Variants in SNX9 observed in about 807,000 individuals in gnomAD.
SNX9 encodes sorting nexin 9, also known as sorting nexin-9.
SNX9 carries 44 observed loss-of-function variants against 89.4 expected under a neutral mutation model. That is an observed-to-expected ratio of 0.49 (90% confidence interval 0.39 to 0.63). The LOEUF is 0.63. SNX9 is among the 30% of genes least tolerant of loss of function. The pLI is 0.00. For missense variants in SNX9, 578 were observed against 736.1 expected, an observed-to-expected ratio of 0.79 and a Z score of 2.49; for synonymous variants, 236 against 247.8, an observed-to-expected ratio of 0.95 and a Z score of 0.45.
chr6:157,834,176 T>G (rs1035130035), intron 1 of SNX9, among the ~76,000 whole-genome samples: 2 of 121,368 alleles, frequency 1.6e-5, no homozygotes, highest in African/African-American at 6.8e-5. Flanking sequence ...TTTTTTTTTT[T>G]TTTTTTTTTG....
At position 157,901,929 on chromosome 6, in the gene SNX9, C is replaced by A; in HGVS notation, c.504C>A (p.Asp168Glu). The A allele has an allele frequency of 6.2e-7, 1 of 1,611,752 alleles. No homozygotes were observed. Among genetic ancestry groups the A allele is most frequent in the South Asian group, 1.1e-5 (1 of 90,994 alleles). The change falls in exon 6 of 18, where the codon GAC becomes GAA. Residue 168 changes from aspartate (D) to glutamate (E), a missense_variant. Physicochemically the swap from Asp to Glu is conservative, Grantham distance 45. Transcript: ENST00000392185. ...GTGATGATGATGACTGGGATGAAGA[C>A]TGGGATGGGCCCAAATCCTCTTCCT... The part of the protein sequence containing the change: ...ATGDDDDWDE[D>E]WDGPKSSSYF...
At chr6:157,902,212 TAAA>T (rs57207307) in intron 6 of SNX9, among the ~76,000 whole-genome samples, 167 bp downstream of exon 6, 2 of 144,896 alleles carry the variant, frequency 1.4e-5, no homozygotes, top group South Asian at 4.4e-4. Flanking sequence ...GAAGCTTACT[TAAA>T]AAAAAAAAAG....
chr6:157,932,866 CAAAAAAAAAAA>C lies in SNX9; in HGVS notation c.1366+612_1366+622del, dbSNP rs10545432. 1.3e-3 allele frequency among the ~76,000 whole-genome samples: 51 copies of C among 39,214 alleles called. 1 individual carries two copies. The East Asian group carries it at 0.019, about 14-fold the overall frequency. The allele number at this position is 39,214 out of a possible 152,430, so 25.7% of individuals were successfully genotyped here. A position where few individuals can be genotyped will look rare whatever the true frequency, so the allele number is the denominator to read the frequency against. On this transcript the variant is annotated intron_variant, in intron 13 of 17. Transcript: ENST00000392185. ...TGGGTGACAGAGCAAGACCCTGTCT[CAAAAAAAAAAA>C]AAAAAAAAAAAAAAAAAGCCAGATT...
intron 7 of SNX9, among the ~76,000 whole-genome samples, chr6:157,908,842 C>G (rs1201003591): frequency 6.6e-6 from 1 of 152,186 alleles, no homozygotes; most frequent in Non-Finnish European, 1.5e-5. Flanking sequence ...GTAAGCCTCG[C>G]CTGAATTTGT....
intron 6 of SNX9, among the ~76,000 whole-genome samples, 177 bp from the exon 7 acceptor site, chr6:157,905,951 A>G (rs1179227912): frequency 1.3e-5 from 2 of 152,222 alleles, no homozygotes; most frequent in African/African-American, 2.4e-5. Flanking sequence ...GCTTAATTAA[A>G]TGCCTAATTG....
rs765093538 is a variant in SNX9 at position 157,940,901 on chromosome 6, A to G, written c.1667A>G (p.His556Arg). 6.2e-7 allele frequency: 1 copy of G among 1,614,172 alleles called. No homozygotes were observed. Among genetic ancestry groups the G allele is most frequent in the African/African-American group, 1.3e-5 (1 of 75,066 alleles). The change falls in exon 17 of 18, where the codon CAC (histidine) becomes CGC (arginine). Residue 556 changes from histidine to arginine, a missense_variant. Transcript: ENST00000392185. ...YALQAEMNHF[H>R]SNRIYDYNSV... ...GTTGTAGCTGAGATGAATCACTTTC[A>G]CAGTAACCGGATCTATGATTACAAC...
intron 2 of SNX9, chr6:157,872,562 T>A (rs1230879085): frequency 6.6e-6 from 1 of 152,470 alleles, no homozygotes; most frequent in Non-Finnish European, 1.5e-5. Flanking sequence ...GTTCTCTGGG[T>A]TGGCTGGCTT....
In SNX9 at chr6:157,910,031, T is replaced by C. The variant is rs1301445554; in HGVS notation, c.949+6T>C. 6.3e-7 allele frequency: 1 copy of C among 1,599,618 alleles called. No individual in the cohort carries two copies. Among genetic ancestry groups the C allele is most frequent in the Admixed American group, 1.7e-5 (1 of 59,988 alleles). ...TCCAGACAAACAAGTCACAGGTGAG[T>C]GTGTGTAATGCTAAACCCAGGATGA... is the stretch of plus-strand genomic sequence containing the variant. On this transcript the variant is annotated splice_donor_region_variant and intron_variant, in intron 9 of 17. Transcript: ENST00000392185.
chr6:157,912,037 C>A (rs3805781), intron 9 of SNX9, among the ~76,000 whole-genome samples: 2 of 151,978 alleles, frequency 1.3e-5, no homozygotes, highest in African/African-American at 4.8e-5. Context: ...AGGCACTGAC[C>A]GAACCCCTGC....
At chr6:157,846,044 GC>G (rs1288673327) in intron 1 of SNX9, among the ~76,000 whole-genome samples, 1 of 152,182 alleles carries the variant, frequency 6.6e-6, no homozygotes, top group Non-Finnish European at 1.5e-5. Context: ...GGTGAGAGGC[GC>G]CCGTCCTGCT....
chr6:157,932,440 C>T (rs1454168782), intron 13 of SNX9, among the ~76,000 whole-genome samples, 168 bp downstream of exon 13: 2 of 152,182 alleles, frequency 1.3e-5, no homozygotes, highest in African/African-American at 4.8e-5. Flanking sequence ...CATCCTAGGA[C>T]TTTTGAGAAA....
In SNX9 at chr6:157,826,849, T is replaced by TATATATAAATATATATTATGGTTTATATA. The variant is rs1781362482; in HGVS notation, c.12+3422_12+3423insGGTTTATATAATATATAAATATATATTAT. On this transcript the variant is annotated intron_variant, in intron 1 of 17. Coordinates refer to ENST00000392185, the MANE Select transcript of SNX9 (RefSeq NM_016224.5). ...TATATTTTATATATATATTATATTT[T>TATATATAAATATATATTATGGTTTATATA]ATATATAAATATATATTATAGTTTA... Among the ~76,000 whole-genome samples the TATATATAAATATATATTATGGTTTATATA allele has an allele frequency of 1.8e-4, 8 of 44,270 alleles. 2 individuals are homozygous for TATATATAAATATATATTATGGTTTATATA. The allele number at this position is 44,270 out of a possible 152,430, so 29.0% of individuals were successfully genotyped here.
intron 5 of SNX9, among the ~76,000 whole-genome samples, chr6:157,899,645 G>T (rs1783052677): frequency 6.6e-6 from 1 of 152,068 alleles, no homozygotes; most frequent in Non-Finnish European, 1.5e-5. Context: ...GTGGTGGCAG[G>T]CGCCTGTAGT....
At chr6:157,933,299 AAAAAG>A (rs139933337) in intron 13 of SNX9, among the ~76,000 whole-genome samples, 1,830 of 152,300 alleles carry the variant, frequency 0.012, 40 homozygotes, top group African/African-American at 0.042. Flanking sequence ...ATCTCAAGAA[AAAAAG>A]AAGAAAAAGC....
Position 157,910,177 on chromosome 6 carries a change from C to G in SNX9, c.949+152C>G, listed in dbSNP as rs540589669. On this transcript the variant is annotated intron_variant, in intron 9 of 17. Coordinates refer to ENST00000392185, the MANE Select transcript of SNX9 (RefSeq NM_016224.5). ...ATTAAATACAGCTATGAAGAGAGAA[C>G]CATTGCATGTTGTACATCTATCTGG... The G allele has an allele frequency of 4.6e-6, 3 of 657,568 alleles. No homozygotes were observed. In the South Asian group the frequency reaches 5.5e-5, roughly 12 times the overall value. 40.7% of individuals were successfully genotyped at this position (657,568 alleles called of 1,614,324 possible). A position where few individuals can be genotyped will look rare whatever the true frequency, so the allele number is the denominator to read the frequency against.
At chr6:157,826,954 A>G (rs186771435) in intron 1 of SNX9, among the ~76,000 whole-genome samples, 7 of 81,262 alleles carry the variant, frequency 8.6e-5, no homozygotes, top group African/African-American at 4.6e-4. Context: ...AATATATTAT[A>G]GTTTATATAA....
chr6:157,908,289 TC>T (rs1783260484), intron 7 of SNX9, among the ~76,000 whole-genome samples: 1 of 152,232 alleles, frequency 6.6e-6, no homozygotes, highest in Non-Finnish European at 1.5e-5. Context: ...TATTTCATTC[TC>T]CTTGAATCTC....
intron 1 of SNX9, among the ~76,000 whole-genome samples, chr6:157,856,162 A>T (rs73573842): frequency 0.031 from 4,750 of 152,308 alleles, 236 homozygotes; most frequent in African/African-American, 0.11. Context: ...ATTTTATTTC[A>T]TAAAGTCTCC....
rs1422633870 is a variant in SNX9 at position 157,932,283 on chromosome 6, C to T, written c.1366+11C>T. ...CCAGTGGCTATCAAGGTGCGTCTTT[C>T]TTCATTCATCCAGTGGGCCTTTAGA... On this transcript the variant is annotated intron_variant, in intron 13 of 17. Coordinates refer to ENST00000392185, the MANE Select transcript of SNX9 (RefSeq NM_016224.5). 2.4e-5 allele frequency: 38 copies of T among 1,613,504 alleles called. No homozygotes were observed. The highest frequency in any genetic ancestry group is 3.2e-5 in the Non-Finnish European group (38 of 1,179,588).
Sources: allele counts gnomAD v4.1 joint callset (sites outside exome capture counted in the v4.1 genomes callset), GRCh38; gene constraint gnomAD v4.1.1; transcripts MANE v1.5; gene names NCBI Gene and HGNC (gene_info 2026-07-23, HGNC 2026-07-21).